KCNMA1: variants seen among roughly 807,000 people sequenced by gnomAD.
KCNMA1 encodes Calcium-activated potassium channel subunit alpha-1.
A neutral mutation model predicts 140.0 loss-of-function variants in KCNMA1; 29 were observed. The observed-to-expected ratio is 0.21, with a 90% CI of 0.15 to 0.28. KCNMA1 has a LOEUF of 0.28. Ranked by LOEUF, KCNMA1 falls within the 10% of genes least tolerant of loss-of-function variation. KCNMA1 has a pLI of 1.00. For missense variants in KCNMA1, 880 were observed against 1,602.2 expected (o/e 0.55, Z 7.70); for synonymous variants, 612 against 611.9 (o/e 1.00, Z 0.00).
intron 21 of KCNMA1, chr10:76,952,060 CAGG>C (rs1251927931): frequency 2.6e-6 from 4 of 1,552,188 alleles, no homozygotes; most frequent in South Asian, 1.2e-5. Context: ...TTTATGCTGG[CAGG>C]AGATGTTGAT....
At chr10:77,622,781 G>C (rs2395501) in intron 1 of KCNMA1, among the ~76,000 whole-genome samples, 2 of 151,966 alleles carry the variant, frequency 1.3e-5, no homozygotes, top group Non-Finnish European at 2.9e-5. Context: ...AGTTTGTTCT[G>C]ATTTTTTTTC....
intron 3 of KCNMA1, among the ~76,000 whole-genome samples, chr10:77,186,492 T>C (rs535914977): frequency 4.4e-4 from 67 of 152,198 alleles, no homozygotes; most frequent in South Asian, 2.3e-3. Context: ...AAGCCAAATA[T>C]CACAGCCTGC....
At chr10:77,076,769 T>C (rs2096411324) in intron 13 of KCNMA1, among the ~76,000 whole-genome samples, 1 of 152,210 alleles carries the variant, frequency 6.6e-6, no homozygotes, top group Non-Finnish European at 1.5e-5. Flanking sequence ...ATTATGATGA[T>C]GACAAACTCA....
chr10:76,941,051 A>AAGAAAGAAAGAAAGAAAGAAAGAAAG, intron 23 of KCNMA1, among the ~76,000 whole-genome samples: 1 of 62,946 alleles, frequency 1.6e-5, no homozygotes, highest in East Asian at 6.3e-4. Flanking sequence ...GAAAGAAAGA[A>AAGAAAGAAAGAAAGAAAGAAAGAAAG]AGAGAAAGAA....
At chr10:77,181,293 C>A (rs934787223) in intron 5 of KCNMA1, among the ~76,000 whole-genome samples, 6 of 152,202 alleles carry the variant, frequency 3.9e-5, no homozygotes, top group Admixed American at 2.6e-4. Flanking sequence ...GTGAAGAAGG[C>A]AGATCCCACC....
chr10:77,099,824 A>C lies in KCNMA1; in HGVS notation c.1223+8657T>G, dbSNP rs577027864. 3.3e-5 allele frequency among the ~76,000 whole-genome samples: 5 copies of C among 152,246 alleles called. No individual in the cohort carries two copies. In the South Asian group the frequency reaches 1.0e-3, roughly 32 times the overall value. On this transcript the variant is annotated intron_variant, in intron 9 of 27. Transcript: ENST00000286628. ...CTGGAAAGGAGTGGACCTCAGGATC[A>C]CATCAGCGGATTCCCAACCCTCCCA...
At chr10:76,954,977 G>A (rs1285075542) in intron 20 of KCNMA1, among the ~76,000 whole-genome samples, 1 of 152,106 alleles carries the variant, frequency 6.6e-6, no homozygotes, top group African/African-American at 2.4e-5. Flanking sequence ...TCAGCACCTC[G>A]GGTTTGGGAA....
intron 3 of KCNMA1, among the ~76,000 whole-genome samples, chr10:77,224,926 G>A (rs868552264): frequency 1.3e-5 from 2 of 152,270 alleles, no homozygotes; most frequent in African/African-American, 4.8e-5. Context: ...TGTTGTTGGC[G>A]CCGCTGCTCC....
chr10:77,606,286 C>G (rs1267618266), intron 1 of KCNMA1, among the ~76,000 whole-genome samples: 2 of 152,204 alleles, frequency 1.3e-5, no homozygotes, highest in Non-Finnish European at 2.9e-5. Context: ...GTACAAGCAG[C>G]TCCTCCAGAG....
intron 2 of KCNMA1, among the ~76,000 whole-genome samples, chr10:77,271,535 G>A (rs1307466776): frequency 1.3e-5 from 2 of 152,198 alleles, no homozygotes; most frequent in African/African-American, 2.4e-5. Flanking sequence ...CAGAGGAGCC[G>A]AAGATGAGCA....
chr10:77,634,677 C>G, intron 1 of KCNMA1: 1 of 984,802 alleles, frequency 1.0e-6, no homozygotes, highest in Non-Finnish European at 1.2e-6. Context: ...CTTGGGAAAT[C>G]TAGCACAAAA....
At chr10:77,463,675 C>T (rs2154525458) in intron 1 of KCNMA1, among the ~76,000 whole-genome samples, 1 of 152,288 alleles carries the variant, frequency 6.6e-6, no homozygotes, top group Admixed American at 6.5e-5. Flanking sequence ...GCAGCAGACT[C>T]CTGAGCCAGG....
chr10:77,234,640 G>T (rs2154212758), intron 3 of KCNMA1, among the ~76,000 whole-genome samples: 1 of 152,268 alleles, frequency 6.6e-6, no homozygotes, highest in East Asian at 1.9e-4. Flanking sequence ...TTTAATAAAT[G>T]CCAGCATGTC....
chr10:77,570,547 T>C (rs1480065047), intron 1 of KCNMA1, among the ~76,000 whole-genome samples: 1 of 128,290 alleles, frequency 7.8e-6, no homozygotes, highest in Non-Finnish European at 1.6e-5. Flanking sequence ...TGAGAACACA[T>C]GGACACAGGA....
At chr10:77,588,097 G>T (rs1351271908) in intron 1 of KCNMA1, among the ~76,000 whole-genome samples, 1 of 152,178 alleles carries the variant, frequency 6.6e-6, no homozygotes, top group African/African-American at 2.4e-5. Flanking sequence ...TGAAGCCTGG[G>T]TCCCTGTATT....
intron 4 of KCNMA1, 75 bp downstream of exon 4, chr10:77,184,748 G>A: frequency 1.1e-6 from 1 of 927,872 alleles, no homozygotes; most frequent in South Asian, 1.3e-5. Flanking sequence ...CGAGAGCAGA[G>A]GCTGAGGGGG....
At chr10:77,595,786 C>T (rs753602328) in intron 1 of KCNMA1, among the ~76,000 whole-genome samples, 67 of 152,126 alleles carry the variant, frequency 4.4e-4, no homozygotes, top group Non-Finnish European at 5.6e-4. Context: ...GTAGCTGGGA[C>T]TACAGGTGCG....
intron 3 of KCNMA1, chr10:77,217,624 C>A (rs2048231584): frequency 2.6e-5 from 11 of 424,568 alleles, no homozygotes; most frequent in Middle Eastern, 3.4e-4. Flanking sequence ...AAATGAGAAA[C>A]AAAAGGAGAA....
rs78082918 is a variant in KCNMA1, at chr10:76,885,978, T to G, written c.*1288A>C. 14 of 985,298 alleles carry G rather than the reference T, an allele frequency of 1.4e-5. No homozygotes were observed. Among genetic ancestry groups the G allele is most frequent in the Non-Finnish European group, 1.7e-5 (14 of 829,944 alleles). The allele number at this position is 985,298 out of a possible 1,614,324, so 61.0% of individuals were successfully genotyped here. On this transcript the variant is annotated 3_prime_UTR_variant, in exon 28 of 28. Coordinates refer to ENST00000286628, the MANE Select transcript of KCNMA1 (RefSeq NM_001161352.2). ...CATTACCCTGCCTAAATTGGCTACATTAAAGAAAGTGATGATGAGGAATTC... is the reference window on the plus strand; with the variant it reads ...CATTACCCTGCCTAAATTGGCTACAGTAAAGAAAGTGATGATGAGGAATTC...
Sources: allele counts gnomAD v4.1 joint callset (sites outside exome capture counted in the v4.1 genomes callset), GRCh38; gene constraint gnomAD v4.1.1; transcripts MANE v1.5; gene names NCBI Gene and HGNC (gene_info 2026-07-23, HGNC 2026-07-21).